Variants in KRTAP13-3 observed in about 807,000 individuals in gnomAD.
KRTAP13-3 encodes keratin associated protein 13-3, also known as keratin-associated protein 13-3.
For synonymous variants in KRTAP13-3, 98 were observed against 79.4 expected (o/e 1.23, Z -1.25); for missense variants, 243 against 202.8 (o/e 1.20, Z -1.20).
chr21:30,425,545 C>G, exon 1 of KRTAP13-3: 1 of 1,614,060 alleles, frequency 6.2e-7, no homozygotes, highest in Middle Eastern at 1.7e-4. Context: ...GCCATTGGAT[C>G]CACAGCCCAG....
exon 1 of KRTAP13-3, chr21:30,425,878 G>A (rs367921234): frequency 9.3e-6 from 15 of 1,613,758 alleles, no homozygotes; most frequent in Non-Finnish European, 1.3e-5. Flanking sequence ...GTGGGAGCAG[G>A]AGGAGAAGTT....
At chr21:30,425,772 C>G (rs370710431) in exon 1 of KRTAP13-3, 6 of 1,614,038 alleles carry the variant, frequency 3.7e-6, no homozygotes, top group Non-Finnish European at 5.1e-6. Flanking sequence ...AGGAACCCAG[C>G]TGGCAGGTGC....
At chr21:30,425,787 A>G (rs752802291) in exon 1 of KRTAP13-3, 1 of 1,614,180 alleles carries the variant, frequency 6.2e-7, no homozygotes, top group South Asian at 1.1e-5. Flanking sequence ...AGGTGCTGGG[A>G]GAGCAGAGGT....
chr21:30,425,926 T>C (rs1480118260), exon 1 of KRTAP13-3: 5 of 1,602,822 alleles, frequency 3.1e-6, no homozygotes, highest in East Asian at 2.2e-5. Context: ...GACGGGAAGA[T>C]GTGAGTTCAG....
exon 1 of KRTAP13-3, chr21:30,425,747 A>C: frequency 6.2e-7 from 1 of 1,614,216 alleles, no homozygotes; most frequent in Non-Finnish European, 8.5e-7. Context: ...GTCTCCTGAC[A>C]GCCCCTATAG....
chr21:30,425,757 G>C, exon 1 of KRTAP13-3: 2 of 1,614,170 alleles, frequency 1.2e-6, no homozygotes, highest in South Asian at 2.2e-5. Flanking sequence ...AGCCCCTATA[G>C]AGAGAGGAAC....
exon 1 of KRTAP13-3, chr21:30,425,500 G>A (rs373048505): frequency 3.1e-6 from 5 of 1,613,792 alleles, no homozygotes; most frequent in Non-Finnish European, 4.2e-6. Flanking sequence ...ACTCTGGGAA[G>A]GGGAGGTATG....
In KRTAP13-3 at chr21:30,425,426, A is replaced by G. The variant is rs753861012; in HGVS notation, c.487T>C (p.Tyr163His). The G allele has an allele frequency of 1.9e-6, 3 of 1,583,834 alleles. No individual in the cohort carries two copies. Among genetic ancestry groups the G allele is most frequent in the Admixed American group, 3.5e-5 (2 of 57,466 alleles). ...AAACCAGATCTACAGAATGGCTGAT[A>G]ACAAGATGAATGGAACCACCTTCTA... Residue 163 changes from tyrosine to histidine, a missense_variant, in exon 1 of 1, where the codon TAT becomes CAT. Physicochemically the swap from Tyr to His is moderately conservative, Grantham distance 83 (BLOSUM62 2). Transcript: ENST00000390690.
chr21:30,425,863 C>A, exon 1 of KRTAP13-3: 5 of 1,613,972 alleles, frequency 3.1e-6, no homozygotes, highest in Non-Finnish European at 4.2e-6. Flanking sequence ...GTGCAAGTAA[C>A]CCCCGTGGGA....
chr21:30,425,804 T>A, exon 1 of KRTAP13-3: 1 of 1,614,140 alleles, frequency 6.2e-7, no homozygotes, highest in African/African-American at 1.3e-5. Flanking sequence ...AGGTCAGTGC[T>A]GTAGACCAGG....
exon 1 of KRTAP13-3, chr21:30,425,543 A>C (rs759272487): frequency 1.1e-5 from 18 of 1,614,120 alleles, no homozygotes; most frequent in Non-Finnish European, 1.5e-5. Flanking sequence ...AAGCCATTGG[A>C]TCCACAGCCC....
chr21:30,425,779 G>A, exon 1 of KRTAP13-3: 1 of 1,614,232 alleles, frequency 6.2e-7, no homozygotes, highest in South Asian at 1.1e-5. Context: ...CAGCTGGCAG[G>A]TGCTGGGAGA....
chr21:30,425,872 G>T, exon 1 of KRTAP13-3: 1 of 1,613,908 alleles, frequency 6.2e-7, no homozygotes, highest in East Asian at 2.2e-5. Context: ...ACCCCCGTGG[G>T]AGCAGGAGGA....
At chr21:30,425,463 G>T (rs201193615) in exon 1 of KRTAP13-3, 1 of 1,610,336 alleles carries the variant, frequency 6.2e-7, no homozygotes, top group African/African-American at 1.3e-5. Context: ...GTGGAAAATA[G>T]ATTGGATGGC....
chr21:30,425,580 G>A (rs1206032724), exon 1 of KRTAP13-3: 3 of 1,614,010 alleles, frequency 1.9e-6, no homozygotes, highest in Non-Finnish European at 1.7e-6. Context: ...TGGATCCACA[G>A]CTCAGGGAGC....
exon 1 of KRTAP13-3, chr21:30,425,799 A>T: frequency 6.2e-7 from 1 of 1,614,218 alleles, no homozygotes; most frequent in Non-Finnish European, 8.5e-7. Flanking sequence ...AGCAGAGGTC[A>T]GTGCTGTAGA....
chr21:30,425,820 G>A (rs1040740390), exon 1 of KRTAP13-3: 2 of 1,614,042 alleles, frequency 1.2e-6, no homozygotes, highest in African/African-American at 2.7e-5. Flanking sequence ...CCAGGTTGCT[G>A]GGGTAGGAAG....
exon 1 of KRTAP13-3, chr21:30,425,887 T>C (rs1423398765): frequency 1.9e-6 from 3 of 1,613,206 alleles, no homozygotes; most frequent in Non-Finnish European, 2.5e-6. Flanking sequence ...GGAGGAGAAG[T>C]TTCTAGAGCA....
At chr21:30,425,922 A>C (rs1218123772) in exon 1 of KRTAP13-3, 2 of 1,604,640 alleles carry the variant, frequency 1.2e-6, no homozygotes, top group Middle Eastern at 1.7e-4. Context: ...TGTTGACGGG[A>C]AGATGTGAGT....
Sources: gnomAD v4.1 joint callset for allele counts on GRCh38, gnomAD v4.1.1 for gene constraint, MANE v1.5 for transcripts, NCBI Gene and HGNC (gene_info 2026-07-23, HGNC 2026-07-21) for gene names.